DNAH10: variants seen among roughly 807,000 people sequenced by gnomAD.
DNAH10 encodes the protein dynein axonemal heavy chain 10.
Under a neutral mutation model 506.6 loss-of-function variants are expected in DNAH10, and 348 were observed. The ratio of observed to expected loss-of-function variants is 0.69; its 90% CI spans 0.63 to 0.75. The LOEUF is 0.75. Among genes scored for constraint, DNAH10 ranks in the 30% least tolerant of loss-of-function variants. The pLI is 0.00. For missense variants in DNAH10, 5,179 were observed against 5,787.1 expected, an observed-to-expected ratio of 0.89 and a Z score of 3.41; for synonymous variants, 2,059 against 2,198.6, an observed-to-expected ratio of 0.94 and a Z score of 1.78.
At chr12:123,767,961 G>A (rs1325442603) in intron 2 of DNAH10, among the ~76,000 whole-genome samples, 1 of 152,120 alleles carries the variant, frequency 6.6e-6, no homozygotes, top group African/African-American at 2.4e-5. Flanking sequence ...GCAGGGCTGC[G>A]CTCCCTCTGC....
rs1448714275 is a variant in DNAH10 at position 123,918,809 on chromosome 12, T to C, written c.11366T>C (p.Met3789Thr). ...TCTGAGATGGCCCTGGTGAACTCCA[T>C]GTACCAGTACTCCCTGATTGCCTTC... Reference protein sequence around the residue: ...VLSEMALVNSMYQYSLIAFLE... With the variant: ...VLSEMALVNSTYQYSLIAFLE... Residue 3789 changes from methionine to threonine, a missense_variant, in exon 65 of 79, where the codon ATG becomes ACG. Physicochemically the swap from Met to Thr is moderately conservative, Grantham distance 81. Around this residue, in one of 3 missense-constraint regions of DNAH10, gnomAD observed 4,844 missense variants for 5,430.5 expected, o/e 0.89. Transcript: ENST00000673944. The C allele has an allele frequency of 6.2e-7, 1 of 1,613,960 alleles. No homozygotes were observed. Among genetic ancestry groups the C allele is most frequent in the Admixed American group, 1.7e-5 (1 of 60,024 alleles).
intron 19 of DNAH10, among the ~76,000 whole-genome samples, chr12:123,809,978 C>A (rs1459551915): frequency 6.6e-6 from 1 of 152,136 alleles, no homozygotes; most frequent in African/African-American, 2.4e-5. Flanking sequence ...CCCGTCACCC[C>A]CCTCCCATCT....
At chr12:123,905,925 C>CT (rs956628652) in intron 57 of DNAH10, among the ~76,000 whole-genome samples, 104 of 146,780 alleles carry the variant, frequency 7.1e-4, no homozygotes, top group East Asian at 4.9e-3. Flanking sequence ...TATTTTGTGG[C>CT]TTTTTTTTTT....
chr12:123,794,123 A>T lies in DNAH10; in HGVS notation c.1986+11A>T. On this transcript the variant is annotated intron_variant, in intron 12 of 78. Transcript: ENST00000673944. ...CAGTACTGTAAAGAGGTAATTGAAA[A>T]ATCGATAGCTGCCATAGCATTAAAA... The T allele has an allele frequency of 8.5e-7, 1 of 1,170,372 alleles. No homozygotes were observed. The highest frequency in any genetic ancestry group is 1.7e-5 in the South Asian group (1 of 60,534). The allele number at this position is 1,170,372 out of a possible 1,614,324, so 72.5% of individuals were successfully genotyped here.
chr12:123,932,057 T>C lies in DNAH10; in HGVS notation c.13245T>C (p.Leu4415=). 1 of 1,614,012 alleles carries C rather than the reference T, an allele frequency of 6.2e-7. No individual in the cohort carries two copies. The highest frequency in any genetic ancestry group is 2.2e-5 in the East Asian group (1 of 44,890). Residue 4415 remains leucine (L), a synonymous_variant, in exon 76 of 79, where the codon CTT becomes CTC. Transcript: ENST00000673944. The stretch of plus-strand genomic sequence containing the variant: ...TTGCTCCTGACACCTTAAAGTCCCT[T>C]GGAAACTGGATGGTCTACTTCCTGC... ...RRLAPDTLKS[L]GNWMVYFLRR... is the part of the protein sequence containing the mutation.
At chr12:123,788,616 A>G (rs552054327) in intron 10 of DNAH10, among the ~76,000 whole-genome samples, 1 of 152,148 alleles carries the variant, frequency 6.6e-6, no homozygotes, top group Non-Finnish European at 1.5e-5. Context: ...AAAGACAGGA[A>G]AAAAAAATGC....
intron 41 of DNAH10, among the ~76,000 whole-genome samples, chr12:123,866,565 G>A (rs1300002306): frequency 1.3e-5 from 2 of 152,240 alleles, no homozygotes; most frequent in Admixed American, 6.5e-5. Context: ...ATTTCAGATA[G>A]TTTATAGCCA....
Position 123,931,708 on chromosome 12 carries a change from C to T in DNAH10, c.12989C>T (p.Pro4330Leu), listed in dbSNP as rs1955216497. ...GCCAAAGAAATAGAAAACAAGATGC[C>T]CAAAGTCTTTGACTTGGACCAGGTG... is the stretch of plus-strand genomic sequence containing the variant. ...QVAKEIENKM[P>L]KVFDLDQVRK... The change falls in exon 75 of 79, where the codon CCC becomes CTC. Residue 4330 changes from proline to leucine, a missense_variant. By Grantham distance (98) the Pro-to-Leu change is moderately conservative (BLOSUM62 -3). This residue lies in a region of DNAH10 where 4,844 missense variants were observed against 5,430.5 expected (regional missense o/e 0.89). Transcript: ENST00000673944. 6.2e-7 allele frequency: 1 copy of T among 1,613,984 alleles called. No homozygotes were observed. Among genetic ancestry groups the T allele is most frequent in the Non-Finnish European group, 8.5e-7 (1 of 1,179,896 alleles).
At chr12:123,848,230 C>A in intron 33 of DNAH10, 135 bp downstream of exon 33, 2 of 1,321,894 alleles carry the variant, frequency 1.5e-6, no homozygotes, top group Non-Finnish European at 2.1e-6. Flanking sequence ...CACCACAGCC[C>A]CAGAACCTAA....
chr12:123,818,732 TCAGCCCCCCAAAGTACTGGGATTA>T, intron 21 of DNAH10, among the ~76,000 whole-genome samples, 194 bp from the exon 22 acceptor site: 1 of 152,292 alleles, frequency 6.6e-6, no homozygotes, highest in South Asian at 2.1e-4. Context: ...TCCTCCTGCC[TCAGCCCCCCAAAGTACTGGGATTA>T]CAGCCATGAG....
At chr12:123,888,285 C>G (rs1265134403) in intron 52 of DNAH10, among the ~76,000 whole-genome samples, 1 of 152,186 alleles carries the variant, frequency 6.6e-6, no homozygotes, top group Non-Finnish European at 1.5e-5. Flanking sequence ...CCTCATTTCA[C>G]AGCTGAGGAA....
chr12:123,808,179 T>G (rs1958784559), intron 18 of DNAH10, among the ~76,000 whole-genome samples: 1 of 152,136 alleles, frequency 6.6e-6, no homozygotes, highest in Admixed American at 6.5e-5. Flanking sequence ...ACCACAGGCG[T>G]GTGCCACTAT....
intron 57 of DNAH10, among the ~76,000 whole-genome samples, chr12:123,906,491 C>T (rs150820291): frequency 0.015 from 2,309 of 152,320 alleles, 29 homozygotes; most frequent in Middle Eastern, 0.034. Context: ...ATCCACCCAC[C>T]TCAGCCTCCC....
At chr12:123,836,952 C>T (rs565641928) in intron 28 of DNAH10, among the ~76,000 whole-genome samples, 14 of 121,960 alleles carry the variant, frequency 1.1e-4, no homozygotes, top group South Asian at 2.4e-4. Flanking sequence ...TCCTGGGTTC[C>T]GGCTGTTCTC....
intron 77 of DNAH10, chr12:123,933,915 G>A: frequency 2.3e-6 from 1 of 436,344 alleles, no homozygotes; most frequent in Non-Finnish European, 4.0e-6. Flanking sequence ...CTTTGATTAT[G>A]CCAGAACTTC....
rs1318881839 is a variant in DNAH10 at position 123,909,648 on chromosome 12, G to A, written c.9997+206G>A. 6.6e-6 allele frequency among the ~76,000 whole-genome samples: 1 copy of A among 152,190 alleles called. No individual in the cohort carries two copies. Among genetic ancestry groups the A allele is most frequent in the Non-Finnish European group, 1.5e-5 (1 of 68,022 alleles). ...ACCCAGGGAGAGTGGCTGGGGATGCGCGGCGGCAGCCGTGCCCACTGAGGG... is the reference window on the plus strand; with the variant it reads ...ACCCAGGGAGAGTGGCTGGGGATGCACGGCGGCAGCCGTGCCCACTGAGGG... On this transcript the variant is annotated intron_variant, in intron 58 of 78. Coordinates refer to ENST00000673944, the MANE Select transcript of DNAH10 (RefSeq NM_001372106.1). This position sits in a 1 kb window ranked among gnomAD's most constrained non-coding sequence, Gnocchi z 5.4.
chr12:123,847,180 A>ATCCC (rs1950982391), intron 32 of DNAH10, among the ~76,000 whole-genome samples: 1 of 151,044 alleles, frequency 6.6e-6, no homozygotes, highest in Non-Finnish European at 1.5e-5. Flanking sequence ...CCATCCATCC[A>ATCCC]TCCATCCATC....
At chr12:123,910,361 C>T (rs757775462) in intron 58 of DNAH10, among the ~76,000 whole-genome samples, 175 bp from the exon 59 acceptor site, 3 of 152,216 alleles carry the variant, frequency 2.0e-5, no homozygotes, top group African/African-American at 7.2e-5. Context: ...CTGAAACATC[C>T]GTTTATGCAG....
intron 12 of DNAH10, 138 bp downstream of exon 12, chr12:123,794,250 T>C (rs1031752320): frequency 1.8e-6 from 1 of 559,630 alleles, no homozygotes; most frequent in African/African-American, 2.0e-5. Flanking sequence ...TGTTACGTAA[T>C]ACACGTAACC....
Sources: gnomAD v4.1 joint callset for allele counts (sites outside exome capture counted in the v4.1 genomes callset) on GRCh38, gnomAD v4.1.1 for gene constraint, gnomAD v4.1.1 regional missense constraint, Gnocchi (gnomAD v3.1) non-coding constraint, MANE v1.5 for transcripts, NCBI Gene and HGNC (gene_info 2026-07-23, HGNC 2026-07-21) for gene names.